The following FRMD4A variants were observed in gnomAD, a reference collection of about 807,000 sequenced individuals.
FRMD4A encodes the protein FERM domain containing 4A, also known as FERM domain-containing protein 4A.
Under a neutral mutation model 129.1 loss-of-function variants are expected in FRMD4A, and 29 were observed. The observed-to-expected ratio is 0.22, with a 90% CI of 0.17 to 0.31. FRMD4A has a LOEUF of 0.31. FRMD4A is among the 10% of genes least tolerant of loss of function. The pLI, the probability that FRMD4A is intolerant of heterozygous loss-of-function variation, is 1.00. For synonymous variants in FRMD4A, 634 were observed against 571.6 expected (o/e 1.11, Z -1.56); for missense variants, 1,272 against 1,375.8 (o/e 0.92, Z 1.19).
chr10:14,200,300 T>G (rs1564382333), intron 2 of FRMD4A, among the ~76,000 whole-genome samples: 1 of 150,670 alleles, frequency 6.6e-6, no homozygotes, highest in Non-Finnish European at 1.5e-5. Flanking sequence ...ATATAATTTC[T>G]TATTTTTTTG....
intron 12 of FRMD4A, among the ~76,000 whole-genome samples, chr10:13,727,614 C>G (rs990397279): frequency 6.6e-6 from 1 of 152,106 alleles, no homozygotes; most frequent in Non-Finnish European, 1.5e-5. Context: ...CAGGGCACAC[C>G]CCAGTAAACT....
intron 2 of FRMD4A, among the ~76,000 whole-genome samples, chr10:14,165,291 C>T (rs979570888): frequency 6.6e-6 from 1 of 152,136 alleles, no homozygotes; most frequent in Non-Finnish European, 1.5e-5. Flanking sequence ...ATCAGAGAAG[C>T]ACAAACCAAA....
intron 12 of FRMD4A, among the ~76,000 whole-genome samples, chr10:13,708,520 T>C (rs566436914): frequency 1.3e-5 from 2 of 152,360 alleles, no homozygotes; most frequent in East Asian, 3.9e-4. Flanking sequence ...AGTTGCCTCT[T>C]TTGTCCCCGG....
chr10:14,109,205 A>G (rs1351163779), intron 2 of FRMD4A, among the ~76,000 whole-genome samples: 2 of 144,536 alleles, frequency 1.4e-5, no homozygotes, highest in South Asian at 2.2e-4. Flanking sequence ...GAATAAAAGC[A>G]TCTCAGAAAA....
At chr10:14,021,685 T>C (rs11596719) in intron 2 of FRMD4A, among the ~76,000 whole-genome samples, 58,793 of 152,084 alleles carry the variant, frequency 0.39, 13,974 homozygotes, top group Non-Finnish European at 0.55. Context: ...GAGTCCTCAC[T>C]CACAATATTT....
chr10:14,122,180 T>A (rs1838562723), intron 2 of FRMD4A, among the ~76,000 whole-genome samples: 1 of 152,186 alleles, frequency 6.6e-6, no homozygotes, highest in African/African-American at 2.4e-5. Context: ...TTGTAAAGGA[T>A]GTTGTGGGGA....
chr10:14,247,238 G>A (rs1044537295), intron 2 of FRMD4A, among the ~76,000 whole-genome samples: 3 of 150,514 alleles, frequency 2.0e-5, no homozygotes, highest in African/African-American at 7.4e-5. Flanking sequence ...TTCCATCCTG[G>A]TGGAAGTCAG....
chr10:14,038,105 G>A (rs1276425147), intron 2 of FRMD4A, among the ~76,000 whole-genome samples: 1 of 152,164 alleles, frequency 6.6e-6, no homozygotes, highest in Non-Finnish European at 1.5e-5. Flanking sequence ...GGTGGATCAC[G>A]AAGTCAGGAG....
chr10:14,267,960 G>T (rs1222252691), intron 2 of FRMD4A, among the ~76,000 whole-genome samples: 1 of 152,110 alleles, frequency 6.6e-6, no homozygotes, highest in Non-Finnish European at 1.5e-5. Context: ...TCTAGCTTTG[G>T]TGTAGTCATT....
At chr10:13,838,479 T>C (rs560747360) in intron 3 of FRMD4A, among the ~76,000 whole-genome samples, 44 of 151,906 alleles carry the variant, frequency 2.9e-4, no homozygotes, top group Middle Eastern at 3.4e-3. Context: ...CTCTCTGTTC[T>C]GTTTTCTTCC....
intron 2 of FRMD4A, among the ~76,000 whole-genome samples, chr10:14,161,960 G>A (rs1442928362): frequency 6.6e-6 from 1 of 151,188 alleles, no homozygotes; most frequent in African/African-American, 2.4e-5. Context: ...GGCAAAAAAA[G>A]GAATAGTTAA....
intron 2 of FRMD4A, among the ~76,000 whole-genome samples, chr10:14,259,077 A>G (rs1844712778): frequency 6.6e-6 from 1 of 152,204 alleles, no homozygotes; most frequent in South Asian, 2.1e-4. Context: ...TTTTATTATT[A>G]TAGTGATGGT....
chr10:14,076,000 G>A (rs1835576536), intron 2 of FRMD4A, among the ~76,000 whole-genome samples: 1 of 152,168 alleles, frequency 6.6e-6, no homozygotes, highest in African/African-American at 2.4e-5. Context: ...AACCACAGGA[G>A]GATGGAACAT....
intron 2 of FRMD4A, among the ~76,000 whole-genome samples, chr10:14,048,807 AAATAAAATAGAATAGATTAG>A (rs1254360994): frequency 3.5e-5 from 5 of 142,100 alleles, no homozygotes; most frequent in Non-Finnish European, 1.5e-5. Flanking sequence ...CTCTTGTCTC[AAATAAAATAGAATAGATTAG>A]AATAGAATAG....
At chr10:13,872,264 T>C (rs1338356342) in intron 2 of FRMD4A, among the ~76,000 whole-genome samples, 1 of 152,148 alleles carries the variant, frequency 6.6e-6, no homozygotes, top group Non-Finnish European at 1.5e-5. Flanking sequence ...TCTGGGCAGG[T>C]GGCATTGGGA....
intron 3 of FRMD4A, among the ~76,000 whole-genome samples, chr10:13,849,326 C>T (rs1045967233): frequency 6.6e-6 from 1 of 152,198 alleles, no homozygotes. Flanking sequence ...AGACCTGGAG[C>T]ACGCCTCGGT....
intron 2 of FRMD4A, among the ~76,000 whole-genome samples, chr10:14,205,013 C>T (rs1229701988): frequency 1.3e-5 from 2 of 151,878 alleles, no homozygotes; most frequent in African/African-American, 4.8e-5. Flanking sequence ...TCTGCCTTAA[C>T]CCTTCCTTAC....
intron 2 of FRMD4A, among the ~76,000 whole-genome samples, chr10:13,910,252 G>T (rs565110860): frequency 3.8e-4 from 58 of 152,386 alleles, no homozygotes; most frequent in African/African-American, 1.3e-3. Flanking sequence ...TCTCTTGGAA[G>T]ACTGCCTAGC....
At chr10:14,272,198 AT>A (rs1337498949) in intron 2 of FRMD4A, among the ~76,000 whole-genome samples, 1 of 152,138 alleles carries the variant, frequency 6.6e-6, no homozygotes, top group Non-Finnish European at 1.5e-5. Context: ...CAGTTATGCC[AT>A]TAGGAAAGCA....
Sources: gnomAD v4.1 joint callset for allele counts (sites outside exome capture counted in the v4.1 genomes callset) on GRCh38, gnomAD v4.1.1 for gene constraint, MANE v1.5 for transcripts, NCBI Gene and HGNC (gene_info 2026-07-23, HGNC 2026-07-21) for gene names.